COLEC10: variants seen among roughly 807,000 people sequenced by gnomAD.
COLEC10 encodes collectin-10.
In COLEC10, 22 loss-of-function variants were observed where a neutral mutation model predicts 28.4. The observed-to-expected ratio is 0.78, with a 90% CI of 0.55 to 1.11. The LOEUF is 1.11. Among genes scored for constraint, COLEC10 ranks in the 50% least tolerant of loss-of-function variants. The probability of loss-of-function intolerance (pLI) is 0.00; values close to 1 mark genes in which losing one functional copy is unlikely to be tolerated. For synonymous variants in COLEC10, 125 were observed against 116.1 expected (o/e 1.08, Z -0.49); for missense variants, 361 against 344.1 (o/e 1.05, Z -0.39).
At position 119,103,909 on chromosome 8, in the gene COLEC10, C is replaced by G; in HGVS notation, c.442+14C>G. The G allele has an allele frequency of 6.6e-7, 1 of 1,519,044 alleles. No homozygotes were observed. The highest frequency in any genetic ancestry group is 9.1e-7 in the Non-Finnish European group (1 of 1,094,302). The allele number at this position is 1,519,044 out of a possible 1,614,324, so 94.1% of individuals were successfully genotyped here. A position where few individuals can be genotyped will look rare whatever the true frequency, so the allele number is the denominator to read the frequency against. On this transcript the variant is annotated intron_variant, in intron 5 of 5. Coordinates refer to ENST00000332843, the MANE Select transcript of COLEC10 (RefSeq NM_006438.5). Reference sequence around the variant, plus strand: ...TTGTCAAGAATGGTGAGCATATTCTCTTTTGTGTTATGTATCTATTGATAG... The same window carrying G: ...TTGTCAAGAATGGTGAGCATATTCTGTTTTGTGTTATGTATCTATTGATAG...
the COLEC10 span, among the ~76,000 whole-genome samples, chr8:118,972,770 T>TCTCC: frequency 1.3e-5 from 2 of 151,950 alleles, no homozygotes; most frequent in Non-Finnish European, 2.9e-5. Flanking sequence ...CCAGGTGTAT[T>TCTCC]AGTTCATTCT....
chr8:119,022,858 T>C lies in COLEC10; in HGVS notation n.235+13305T>C, dbSNP rs150948678. 5.6e-3 allele frequency among the ~76,000 whole-genome samples: 855 copies of C among 152,214 alleles called. 13 individuals are homozygous for C. Among genetic ancestry groups the C allele is most frequent in the African/African-American group, 0.02 (834 of 41,542 alleles). Reference sequence around the variant, plus strand: ...AAAGTAAATGCCAAGATCTTGAAAATCTGCCCAAGGCCCTCCATACCCCAG... The same window carrying C: ...AAAGTAAATGCCAAGATCTTGAAAACCTGCCCAAGGCCCTCCATACCCCAG... On this transcript the variant is annotated intron_variant and non_coding_transcript_variant, in intron 2 of 6. Coordinates refer to the COLEC10 transcript ENST00000521788.
chr8:119,001,589 GTAAT>G (rs1166700352), intron 1 of COLEC10, among the ~76,000 whole-genome samples: 5 of 152,068 alleles, frequency 3.3e-5, no homozygotes, highest in Non-Finnish European at 5.9e-5. Flanking sequence ...TAAAAACTTG[GTAAT>G]TAGACAGTGC....
chr8:119,031,262 C>A (rs1446630467), intron 2 of COLEC10, among the ~76,000 whole-genome samples: 1 of 152,086 alleles, frequency 6.6e-6, no homozygotes, highest in Non-Finnish European at 1.5e-5. Flanking sequence ...TCGTGTACAC[C>A]CTATCTGTCA....
intron 2 of COLEC10, among the ~76,000 whole-genome samples, chr8:119,025,990 T>C (rs1325729519): frequency 6.6e-6 from 1 of 152,160 alleles, no homozygotes; most frequent in Non-Finnish European, 1.5e-5. Flanking sequence ...CTCTTTTTAG[T>C]TTTCTTCTAT....
In COLEC10 at chr8:119,089,347, G is replaced by T. The variant is rs567362153; in HGVS notation, c.149-333G>T. 2.0e-5 allele frequency among the ~76,000 whole-genome samples: 3 copies of T among 152,158 alleles called. No individual in the cohort carries two copies. In the East Asian group the frequency reaches 5.8e-4, roughly 29 times the overall value. On this transcript the variant is annotated intron_variant, in intron 1 of 5. Coordinates refer to ENST00000332843, the MANE Select transcript of COLEC10 (RefSeq NM_006438.5). ...TCTGTGTGTGTGTGTGTGCGTGTGT[G>T]TTTGTGTAAATTTTATGTTTATTGT...
chr8:119,035,099 G>A (rs1025447674), intron 2 of COLEC10, among the ~76,000 whole-genome samples: 2 of 152,056 alleles, frequency 1.3e-5, no homozygotes, highest in Admixed American at 6.5e-5. Context: ...AGCACACATC[G>A]TAACAACAGC....
chr8:119,084,575 T>C (rs2450065), intron 1 of COLEC10, among the ~76,000 whole-genome samples: 95,583 of 151,564 alleles, frequency 0.63, 30,702 homozygotes, highest in Middle Eastern at 0.74. Flanking sequence ...CACAGCAGTG[T>C]GGGCTTGAGA....
At chr8:118,986,279 A>T in the COLEC10 span, among the ~76,000 whole-genome samples, 7 of 152,290 alleles carry the variant, frequency 4.6e-5, no homozygotes, top group South Asian at 8.3e-4. Flanking sequence ...TGGAAATTCA[A>T]AATCTGGCCC....
At chr8:119,092,862 T>C (rs1267672260) in intron 3 of COLEC10, among the ~76,000 whole-genome samples, 1 of 152,062 alleles carries the variant, frequency 6.6e-6, no homozygotes, top group Admixed American at 6.6e-5. Flanking sequence ...GCCAAGATCA[T>C]GTCACTGCAC....
At chr8:118,973,037 A>C in the COLEC10 span, among the ~76,000 whole-genome samples, 3 of 151,962 alleles carry the variant, frequency 2.0e-5, no homozygotes, top group Non-Finnish European at 4.4e-5. Context: ...CCATGATTCA[A>C]TTACCTCCCA....
chr8:119,008,387 T>A (rs1483654491), intron 1 of COLEC10, among the ~76,000 whole-genome samples: 3 of 150,860 alleles, frequency 2.0e-5, no homozygotes, highest in Non-Finnish European at 2.9e-5. Context: ...GTGATTCCCA[T>A]GAAAATAAGT....
intron 2 of COLEC10, among the ~76,000 whole-genome samples, chr8:119,034,705 T>A (rs924267860): frequency 2.0e-5 from 3 of 152,114 alleles, no homozygotes; most frequent in African/African-American, 7.2e-5. Context: ...TGAGACTCCA[T>A]CTCAAAAAAC....
intron 2 of COLEC10, among the ~76,000 whole-genome samples, chr8:119,010,046 T>C (rs1215207012): frequency 6.6e-6 from 1 of 150,864 alleles, no homozygotes; most frequent in African/African-American, 2.5e-5. Context: ...GTTTATACCA[T>C]GGTTCATACT....
At chr8:119,077,194 T>C (rs1423803664) in intron 1 of COLEC10, among the ~76,000 whole-genome samples, 2 of 150,984 alleles carry the variant, frequency 1.3e-5, no homozygotes, top group African/African-American at 4.8e-5. Flanking sequence ...ACATTTTACT[T>C]TTCCAATTAA....
intron 2 of COLEC10, among the ~76,000 whole-genome samples, chr8:119,048,856 T>C (rs920733645): frequency 1.3e-5 from 2 of 152,174 alleles, no homozygotes; most frequent in Admixed American, 1.3e-4. Flanking sequence ...AATATTGATA[T>C]GTGAGATCTC....
intron 2 of COLEC10, among the ~76,000 whole-genome samples, chr8:119,039,692 G>A (rs918480077): frequency 2.6e-5 from 4 of 152,200 alleles, no homozygotes; most frequent in African/African-American, 9.6e-5. Context: ...CTGTTCTGAA[G>A]GTTCTGGGGG....
the COLEC10 span, among the ~76,000 whole-genome samples, chr8:118,990,084 A>C: frequency 6.6e-6 from 1 of 151,522 alleles, no homozygotes; most frequent in East Asian, 2.0e-4. Flanking sequence ...ACGTAATTTC[A>C]AATCACTAGA....
chr8:119,054,119 C>A (rs184544328), intron 2 of COLEC10, among the ~76,000 whole-genome samples: 4 of 152,128 alleles, frequency 2.6e-5, no homozygotes, highest in African/African-American at 9.6e-5. Flanking sequence ...GACTAACGAC[C>A]AGGTAGCTAG....
Sources: gnomAD v4.1 joint callset for allele counts (sites outside exome capture counted in the v4.1 genomes callset) on GRCh38, gnomAD v4.1.1 for gene constraint, MANE v1.5 for transcripts, NCBI Gene and HGNC (gene_info 2026-07-23, HGNC 2026-07-21) for gene names.